Variants in NOS1AP observed in about 807,000 individuals in gnomAD.
NOS1AP encodes the protein nitric oxide synthase 1 adaptor protein, also known as carboxyl-terminal PDZ ligand of neuronal nitric oxide synthase protein.
A neutral mutation model predicts 56.2 loss-of-function variants in NOS1AP; 21 were observed. The ratio of observed to expected loss-of-function variants is 0.37; its 90% CI spans 0.26 to 0.54. NOS1AP has a LOEUF of 0.54. Ranked by LOEUF, NOS1AP falls within the 20% of genes least tolerant of loss-of-function variation. The pLI, the probability that NOS1AP is intolerant of heterozygous loss-of-function variation, is 0.84. For missense variants in NOS1AP, 522 were observed against 657.8 expected (o/e 0.79, Z 2.26); for synonymous variants, 270 against 274.6 (o/e 0.98, Z 0.17).
In NOS1AP at chr1:162,364,986, C is replaced by G. The variant is rs552867257; in HGVS notation, c.940-418C>G. The G allele has an allele frequency of 1.4e-4, 145 of 1,053,164 alleles. No individual in the cohort carries two copies. In the African/African-American group the frequency reaches 2.4e-3, roughly 17 times the overall value. The allele number at this position is 1,053,164 out of a possible 1,614,324, so 65.2% of individuals were successfully genotyped here. ...AGAAGACAGGATGAGAAGAGAGTGCCCCCTTCCACCTCCAACATGGCATGC... is the reference window on the plus strand; with the variant it reads ...AGAAGACAGGATGAGAAGAGAGTGCGCCCTTCCACCTCCAACATGGCATGC... On this transcript the variant is annotated intron_variant, in intron 8 of 9. Coordinates refer to ENST00000361897, the MANE Select transcript of NOS1AP (RefSeq NM_014697.3).
chr1:162,291,804 G>T (rs1272148640), intron 3 of NOS1AP, among the ~76,000 whole-genome samples: 1 of 152,152 alleles, frequency 6.6e-6, no homozygotes, highest in Admixed American at 6.5e-5. Flanking sequence ...GCTGTACTTT[G>T]ATGTCTCTCA....
At chr1:162,277,217 C>T (rs1654771154) in intron 2 of NOS1AP, among the ~76,000 whole-genome samples, 1 of 152,198 alleles carries the variant, frequency 6.6e-6, no homozygotes, top group Admixed American at 6.5e-5. Flanking sequence ...GTGGAATCTT[C>T]TGGGTGTAGC....
intron 2 of NOS1AP, 101 bp downstream of exon 2, chr1:162,154,577 C>T: frequency 1.0e-6 from 1 of 979,370 alleles, no homozygotes; most frequent in Admixed American, 1.9e-5. Flanking sequence ...TGGCTACACC[C>T]CTTGCAAACC....
At chr1:162,320,837 A>G (rs568731414) in intron 4 of NOS1AP, among the ~76,000 whole-genome samples, 2 of 152,276 alleles carry the variant, frequency 1.3e-5, no homozygotes, top group South Asian at 4.1e-4. Context: ...CTGGTGACAG[A>G]GTGAGACACC....
At position 162,312,763 on chromosome 1, in the gene NOS1AP, G is replaced by A. The variant is rs545302007; in HGVS notation, c.344+12057G>A. 1.5e-3 allele frequency among the ~76,000 whole-genome samples: 221 copies of A among 152,098 alleles called. 1 individual carries two copies. The highest frequency in any genetic ancestry group is 6.8e-3 in the Middle Eastern group (2 of 294). Reference sequence around the variant, plus strand: ...ACTGGCAAAACGAATCCAGCAGCACGTCAAAAAGCTTATCCACCATGATCA... The same window carrying A: ...ACTGGCAAAACGAATCCAGCAGCACATCAAAAAGCTTATCCACCATGATCA... On this transcript the variant is annotated intron_variant, in intron 4 of 9. Coordinates refer to ENST00000361897, the MANE Select transcript of NOS1AP (RefSeq NM_014697.3).
intron 4 of NOS1AP, among the ~76,000 whole-genome samples, chr1:162,303,049 C>T (rs1166860957): frequency 6.6e-6 from 1 of 152,178 alleles, no homozygotes; most frequent in African/African-American, 2.4e-5. Context: ...AGGTATATCA[C>T]AGCTTGCGTA....
chr1:162,110,995 T>G (rs1647688140), intron 1 of NOS1AP, among the ~76,000 whole-genome samples: 1 of 152,208 alleles, frequency 6.6e-6, no homozygotes, highest in African/African-American at 2.4e-5. Flanking sequence ...CCAGGTACTG[T>G]CTCAGGCACT....
chr1:162,219,129 C>T (rs551979081), intron 2 of NOS1AP, among the ~76,000 whole-genome samples: 6 of 152,288 alleles, frequency 3.9e-5, no homozygotes, highest in South Asian at 2.1e-4. Flanking sequence ...AGCTCTCTCT[C>T]GCTGAGTAAG....
At chr1:162,233,573 A>G (rs1653195347) in intron 2 of NOS1AP, among the ~76,000 whole-genome samples, 1 of 152,162 alleles carries the variant, frequency 6.6e-6, no homozygotes, top group South Asian at 2.1e-4. Flanking sequence ...TCATTATCCC[A>G]AGAAGAAACC....
intron 4 of NOS1AP, among the ~76,000 whole-genome samples, chr1:162,304,699 C>T (rs1276098241): frequency 6.6e-6 from 1 of 151,682 alleles, no homozygotes; most frequent in East Asian, 1.9e-4. Context: ...ACTTTAGTCC[C>T]TGTGTTTTCG....
chr1:162,359,898 G>A (rs994456873), intron 8 of NOS1AP, among the ~76,000 whole-genome samples: 7 of 152,084 alleles, frequency 4.6e-5, no homozygotes, highest in South Asian at 2.1e-4. Flanking sequence ...TCCTTCTCTC[G>A]GAGAGCATCC....
In NOS1AP at chr1:162,324,946, G is replaced by A. The variant is rs181503978; in HGVS notation, c.345-8071G>A. ...ATACATCCCAGTCATGGTGACAAGG[G>A]GCGACTTGACAGTGTGGCCCCACAC... is the stretch of plus-strand genomic sequence containing the variant. On this transcript the variant is annotated intron_variant, in intron 4 of 9. Transcript: ENST00000361897. 1.4e-4 allele frequency among the ~76,000 whole-genome samples: 21 copies of A among 152,254 alleles called. No homozygotes were observed. In the East Asian group the frequency reaches 3.9e-3, roughly 28 times the overall value.
Position 162,324,416 on chromosome 1 carries a change from C to CTTTTTTTTTTTTT in NOS1AP, c.345-8585_345-8573dup, listed in dbSNP as rs35946766. Among the ~76,000 whole-genome samples, 23 of 72,172 alleles carry CTTTTTTTTTTTTT rather than the reference C, an allele frequency of 3.2e-4. 3 individuals are homozygous for CTTTTTTTTTTTTT. The highest frequency in any genetic ancestry group is 2.5e-4 in the African/African-American group (5 of 20,244). The allele number at this position is 72,172 out of a possible 152,430, so 47.3% of individuals were successfully genotyped here. A position where few individuals can be genotyped will look rare whatever the true frequency, so the allele number is the denominator to read the frequency against. The stretch of plus-strand genomic sequence containing the variant: ...TAGTGGTTTTGTGAGGGACACTAGC[C>CTTTTTTTTTTTTT]TTTTTTTTTTTTTTTTTTTTTTTTT... On this transcript the variant is annotated intron_variant, in intron 4 of 9. Coordinates refer to ENST00000361897, the MANE Select transcript of NOS1AP (RefSeq NM_014697.3).
At chr1:162,293,618 A>G (rs939042697) in intron 3 of NOS1AP, among the ~76,000 whole-genome samples, 1 of 152,252 alleles carries the variant, frequency 6.6e-6, no homozygotes, top group Non-Finnish European at 1.5e-5. Flanking sequence ...AGAAGGTCCT[A>G]TATCAAAGAT....
intron 6 of NOS1AP, among the ~76,000 whole-genome samples, chr1:162,347,866 TG>T (rs1657354416): frequency 6.6e-6 from 1 of 152,232 alleles, no homozygotes; most frequent in African/African-American, 2.4e-5. Context: ...CCCTCTGCCA[TG>T]GGTCCCTGCC....
rs575171370 is a variant in NOS1AP at position 162,319,788 on chromosome 1, C to G, written c.345-13229C>G. Reference sequence around the variant, plus strand: ...CTGCTCCCTGCCCTGCCTCTCTGGACTTGGGGTGCTGAGGGCTCCCAGGGA... The same window carrying G: ...CTGCTCCCTGCCCTGCCTCTCTGGAGTTGGGGTGCTGAGGGCTCCCAGGGA... On this transcript the variant is annotated intron_variant, in intron 4 of 9. Transcript: ENST00000361897. 4.6e-5 allele frequency among the ~76,000 whole-genome samples: 7 copies of G among 152,278 alleles called. No individual in the cohort carries two copies. The East Asian group carries it at 1.4e-3, about 29-fold the overall frequency.
intron 2 of NOS1AP, among the ~76,000 whole-genome samples, chr1:162,233,011 G>A (rs1653170764): frequency 6.6e-6 from 1 of 152,174 alleles, no homozygotes; most frequent in Non-Finnish European, 1.5e-5. Flanking sequence ...TCCATAGTCT[G>A]TGCCCTTAAG....
At chr1:162,347,062 A>G (rs78104448) in intron 6 of NOS1AP, among the ~76,000 whole-genome samples, 1,700 of 152,354 alleles carry the variant, frequency 0.011, 32 homozygotes, top group African/African-American at 0.039. Flanking sequence ...TTAGAGCGTA[A>G]TGGTGACAGT....
At chr1:162,163,677 A>C (rs1232864703) in intron 2 of NOS1AP, among the ~76,000 whole-genome samples, 1 of 152,108 alleles carries the variant, frequency 6.6e-6, no homozygotes, top group Non-Finnish European at 1.5e-5. Context: ...CCAGGTCACC[A>C]TTCCTGGGGG....
Sources: allele counts gnomAD v4.1 joint callset (sites outside exome capture counted in the v4.1 genomes callset), GRCh38; gene constraint gnomAD v4.1.1; transcripts MANE v1.5; gene names NCBI Gene and HGNC (gene_info 2026-07-23, HGNC 2026-07-21).